FMN2: variants seen among roughly 807,000 people sequenced by gnomAD.
FMN2 encodes the protein formin-2.
A neutral mutation model predicts 142.3 loss-of-function variants in FMN2; 51 were observed. That is an observed-to-expected ratio of 0.36 (90% CI 0.29 to 0.45). The LOEUF is 0.45. FMN2 is among the 20% of genes least tolerant of loss of function. FMN2 has a pLI of 1.00. For missense variants in FMN2, 1,936 were observed against 2,122.8 expected, an observed-to-expected ratio of 0.91 and a Z score of 1.73; for synonymous variants, 882 against 869.8, an observed-to-expected ratio of 1.01 and a Z score of -0.25.
Position 240,452,065 on chromosome 1 carries a change from C to A in FMN2, c.5060+13855C>A, listed in dbSNP as rs776556718. On this transcript the variant is annotated intron_variant, in intron 16 of 17. Transcript: ENST00000319653. ...AATTAGCCAGGTGTGGTGGCACTCA[C>A]CTGTAGTCCCAGCTACTCAGGAGGC... 7.7e-4 allele frequency among the ~76,000 whole-genome samples: 117 copies of A among 152,094 alleles called. 2 individuals carry two copies. Among genetic ancestry groups the A allele is most frequent in the East Asian group, 7.8e-4 (4 of 5,154 alleles).
At chr1:240,163,542 T>A (rs1252497051) in intron 2 of FMN2, among the ~76,000 whole-genome samples, 2 of 152,196 alleles carry the variant, frequency 1.3e-5, no homozygotes, top group Admixed American at 6.5e-5. Flanking sequence ...AAAATTTACA[T>A]GTTATATCTT....
chr1:240,468,249 T>TATACATATGCACACACAC (rs1676690774), intron 16 of FMN2, among the ~76,000 whole-genome samples: 1 of 136,756 alleles, frequency 7.3e-6, no homozygotes. Flanking sequence ...CACACACACA[T>TATACATATGCACACACAC]ATATACATAT....
chr1:240,295,637 T>C (rs777204191), intron 8 of FMN2, among the ~76,000 whole-genome samples: 1 of 152,230 alleles, frequency 6.6e-6, no homozygotes, highest in African/African-American at 2.4e-5. Context: ...ATGGTGTATA[T>C]GTACCACATT....
intron 16 of FMN2, among the ~76,000 whole-genome samples, chr1:240,447,593 A>G (rs1472669472): frequency 6.6e-6 from 1 of 152,198 alleles, no homozygotes; most frequent in African/African-American, 2.4e-5. Context: ...TGCTGGTGGA[A>G]ATACAAAATG....
intron 16 of FMN2, among the ~76,000 whole-genome samples, chr1:240,451,540 C>G (rs1186615007): frequency 6.6e-6 from 1 of 151,926 alleles, no homozygotes; most frequent in Non-Finnish European, 1.5e-5. Context: ...AGATGATTGG[C>G]GTGTTCCCCA....
chr1:240,468,386 C>G (rs975825913), intron 16 of FMN2, among the ~76,000 whole-genome samples: 3 of 149,000 alleles, frequency 2.0e-5, no homozygotes, highest in South Asian at 2.1e-4. Context: ...TGTCTCTGAA[C>G]AGCATCCATA....
chr1:240,243,372 C>G (rs7532129), intron 6 of FMN2, among the ~76,000 whole-genome samples: 53,801 of 151,976 alleles, frequency 0.35, 9,589 homozygotes, highest in Middle Eastern at 0.47. Context: ...TATGAGATAG[C>G]CAACAACAGT....
intron 6 of FMN2, among the ~76,000 whole-genome samples, chr1:240,217,132 T>C (rs1375785371): frequency 6.6e-6 from 1 of 152,210 alleles, no homozygotes; most frequent in African/African-American, 2.4e-5. Context: ...AGTGGCACAC[T>C]TCAGGTATTG....
intron 6 of FMN2, among the ~76,000 whole-genome samples, chr1:240,238,403 T>C (rs1038055563): frequency 1.3e-5 from 2 of 152,198 alleles, no homozygotes; most frequent in African/African-American, 4.8e-5. Context: ...TTAAAACTTA[T>C]TTGGTGAATA....
chr1:240,226,712 G>T (rs74454927), intron 6 of FMN2, among the ~76,000 whole-genome samples: 1 of 152,202 alleles, frequency 6.6e-6, no homozygotes, highest in East Asian at 1.9e-4. Context: ...CTGGGTGGTA[G>T]AATGAGACCT....
intron 6 of FMN2, among the ~76,000 whole-genome samples, chr1:240,241,694 A>G (rs559446259): frequency 6.6e-6 from 1 of 152,160 alleles, no homozygotes; most frequent in African/African-American, 2.4e-5. Context: ...AGAAAAGGCT[A>G]TGGCGCTACT....
At chr1:240,164,975 C>A (rs1664421113) in intron 2 of FMN2, among the ~76,000 whole-genome samples, 1 of 151,928 alleles carries the variant, frequency 6.6e-6, no homozygotes, top group African/African-American at 2.4e-5. Context: ...CTTATTTTTT[C>A]TGCAATATTT....
intron 13 of FMN2, among the ~76,000 whole-genome samples, chr1:240,352,321 G>T (rs1425963899): frequency 6.6e-6 from 1 of 152,026 alleles, no homozygotes; most frequent in Non-Finnish European, 1.5e-5. Flanking sequence ...TCAGAGGCCG[G>T]TAGTAATCTC....
At chr1:240,127,382 T>C (rs1323583234) in intron 2 of FMN2, among the ~76,000 whole-genome samples, 3 of 151,662 alleles carry the variant, frequency 2.0e-5, no homozygotes, top group Non-Finnish European at 2.9e-5. Context: ...TTTTTTTTTT[T>C]TTAAATGGGA....
chr1:240,209,496 C>G (rs532544137), intron 5 of FMN2, among the ~76,000 whole-genome samples: 1 of 150,654 alleles, frequency 6.6e-6, no homozygotes, highest in African/African-American at 2.4e-5. Flanking sequence ...CCTCGTGATC[C>G]GCCCGCCTCG....
chr1:240,143,680 C>A (rs1663293916), intron 2 of FMN2: 1 of 1,607,644 alleles, frequency 6.2e-7, no homozygotes, highest in African/African-American at 1.3e-5. Flanking sequence ...CTCACCCTTC[C>A]CCAGGTGATT....
chr1:240,380,556 T>A (rs1429094191), intron 14 of FMN2, among the ~76,000 whole-genome samples: 1 of 151,950 alleles, frequency 6.6e-6, no homozygotes, highest in Non-Finnish European at 1.5e-5. Flanking sequence ...TTTCCCTTGG[T>A]CAATACCAAA....
intron 2 of FMN2, among the ~76,000 whole-genome samples, chr1:240,160,227 A>G (rs1664224595): frequency 6.6e-6 from 1 of 150,782 alleles, no homozygotes; most frequent in African/African-American, 2.4e-5. Context: ...AATTTCCCTG[A>G]TACTAGAACC....
At chr1:240,440,014 G>T (rs2152556) in intron 16 of FMN2, among the ~76,000 whole-genome samples, 1 of 151,958 alleles carries the variant, frequency 6.6e-6, no homozygotes, top group East Asian at 1.9e-4. Flanking sequence ...ATCATGTCTA[G>T]GATTAGAGTC....
Sources: allele counts gnomAD v4.1 joint callset (sites outside exome capture counted in the v4.1 genomes callset), GRCh38; gene constraint gnomAD v4.1.1; transcripts MANE v1.5; gene names NCBI Gene and HGNC (gene_info 2026-07-23, HGNC 2026-07-21).